AHCTF1: variants seen among roughly 807,000 people sequenced by gnomAD.
The protein encoded by AHCTF1 is protein ELYS.
AHCTF1 carries 24 observed loss-of-function variants against 248.4 expected under a neutral mutation model. The observed-to-expected ratio is 0.10, with a 90% CI of 0.07 to 0.14. AHCTF1 has a LOEUF of 0.14. Among genes scored for constraint, AHCTF1 ranks in the 10% least tolerant of loss-of-function variants. The pLI is 1.00. For synonymous variants in AHCTF1, 786 were observed against 929.8 expected, an observed-to-expected ratio of 0.85 and a Z score of 2.81; for missense variants, 2,206 against 2,636.2, an observed-to-expected ratio of 0.84 and a Z score of 3.57.
Position 246,918,313 on chromosome 1 carries a change from G to A in AHCTF1, c.58C>T (p.Leu20Phe). 3.7e-6 allele frequency: 6 copies of A among 1,613,224 alleles called. No homozygotes were observed. The highest frequency in any genetic ancestry group is 5.1e-6 in the Non-Finnish European group (6 of 1,179,866). ...SGLLPFPEVT[L>F]QALGEDEITL... The stretch of plus-strand genomic sequence containing the variant: ...ATTTCGTCTTCTCCAAGGGCTTGAA[G>A]AGTCACTTCTGGAAATGGCAGGAGA... The change falls in exon 2 of 36, where the codon CTT becomes TTT. Residue 20 changes from leucine (L) to phenylalanine (F), a missense_variant. Physicochemically the swap from Leu to Phe is conservative, Grantham distance 22. Transcript: ENST00000648844.
At chr1:246,872,311 G>T (rs549872357) in intron 24 of AHCTF1, among the ~76,000 whole-genome samples, 3 of 152,102 alleles carry the variant, frequency 2.0e-5, no homozygotes, top group Non-Finnish European at 4.4e-5. Context: ...GGCACGCCAG[G>T]AAAAGACTGA....
chr1:246,857,444 A>C (rs1004157883), intron 30 of AHCTF1, among the ~76,000 whole-genome samples: 1 of 152,210 alleles, frequency 6.6e-6, no homozygotes, highest in Non-Finnish European at 1.5e-5. Context: ...CTTGGTCTTC[A>C]ACAAAAACAG....
intron 27 of AHCTF1, among the ~76,000 whole-genome samples, chr1:246,862,600 AAAG>A (rs1484514824): frequency 6.6e-6 from 1 of 152,236 alleles, no homozygotes; most frequent in African/African-American, 2.4e-5. Context: ...AGATTTCTGC[AAAG>A]AAAATACAAA....
At chr1:246,922,046 T>C (rs951414978) in intron 1 of AHCTF1, among the ~76,000 whole-genome samples, 51 of 152,328 alleles carry the variant, frequency 3.3e-4, no homozygotes, top group African/African-American at 8.9e-4. Context: ...ATTTTAGACT[T>C]TGTTACATAT....
At chr1:246,923,991 C>T (rs1241054577) in intron 1 of AHCTF1, among the ~76,000 whole-genome samples, 1 of 151,808 alleles carries the variant, frequency 6.6e-6, no homozygotes, top group East Asian at 1.9e-4. Flanking sequence ...GGCCCAAAGG[C>T]GTAGAATATA....
chr1:246,851,039 G>A lies in AHCTF1; in HGVS notation c.4967C>T (p.Thr1656Ile), dbSNP rs763992055. ...TSDQKSQKVD[T>I]LPYVPEPIKV... ...AATAGGTTCAGGCACATATGGTAAA[G>A]TGTCTACTTTTTGGGACTTTTGGTC... is the stretch of plus-strand genomic sequence containing the variant. The change falls in exon 33 of 36, where the codon ACT becomes ATT. Residue 1656 changes from threonine to isoleucine, a missense_variant. Thr to Ile is a moderately conservative substitution (Grantham distance 89). Around this residue, in one of 6 missense-constraint regions of AHCTF1, gnomAD observed 955 missense variants for 1,055.6 expected, o/e 0.90. Transcript: ENST00000648844. The A allele has an allele frequency of 3.1e-6, 5 of 1,613,788 alleles. No individual in the cohort carries two copies. Among genetic ancestry groups the A allele is most frequent in the South Asian group, 1.1e-5 (1 of 91,074 alleles).
At chr1:246,927,861 G>A (rs1667052921) in intron 1 of AHCTF1, among the ~76,000 whole-genome samples, 1 of 140,594 alleles carries the variant, frequency 7.1e-6, no homozygotes, top group Non-Finnish European at 1.6e-5. Context: ...AAATTAGCTG[G>A]GCGCGGTAGC....
chr1:246,867,535 A>T, intron 25 of AHCTF1, 126 bp downstream of exon 25: 2 of 1,261,038 alleles, frequency 1.6e-6, no homozygotes, highest in Non-Finnish European at 2.2e-6. Flanking sequence ...TAGCCAACAT[A>T]AAGAGTTTTT....
At chr1:246,880,597 A>G (rs1220586617) in intron 21 of AHCTF1, among the ~76,000 whole-genome samples, 1 of 151,854 alleles carries the variant, frequency 6.6e-6, no homozygotes, top group Non-Finnish European at 1.5e-5. Flanking sequence ...ATTCCACTTT[A>G]AACTGATACC....
At position 246,918,335 on chromosome 1, in the gene AHCTF1, G is replaced by A; in HGVS notation, c.36C>T (p.Leu12=). 1 of 1,612,884 alleles carries A rather than the reference G, an allele frequency of 6.2e-7. No homozygotes were observed. Among genetic ancestry groups the A allele is most frequent in the Non-Finnish European group, 8.5e-7 (1 of 1,179,520 alleles). ...GAAGAGTCACTTCTGGAAATGGCAG[G>A]AGACCACTAGTCACTTGAGCTCTTA... ...RDLRAQVTSG[L]LPFPEVTLQA... The change falls in exon 2 of 36, where the codon CTC becomes CTT. Residue 12 remains leucine (L), a synonymous_variant. Coordinates refer to ENST00000648844, the MANE Select transcript of AHCTF1 (RefSeq NM_001323342.2).
intron 21 of AHCTF1, among the ~76,000 whole-genome samples, chr1:246,878,330 A>G (rs959041386): frequency 1.4e-5 from 2 of 139,782 alleles, no homozygotes; most frequent in African/African-American, 5.3e-5. Flanking sequence ...CTAGGAGGTC[A>G]AGGCTGCAGT....
intron 11 of AHCTF1, among the ~76,000 whole-genome samples, chr1:246,899,061 C>A (rs892701544): frequency 2.0e-5 from 3 of 152,176 alleles, no homozygotes; most frequent in Admixed American, 2.0e-4. Context: ...TGCACCCCAG[C>A]CTGCGCAACA....
intron 24 of AHCTF1, among the ~76,000 whole-genome samples, chr1:246,869,899 T>C (rs1662450039): frequency 6.6e-6 from 1 of 152,146 alleles, no homozygotes; most frequent in Admixed American, 6.6e-5. Flanking sequence ...TTCATAAAGC[T>C]ATAGCTGTCA....
At chr1:246,857,107 G>A (rs900015879) in intron 30 of AHCTF1, among the ~76,000 whole-genome samples, 6 of 152,176 alleles carry the variant, frequency 3.9e-5, no homozygotes, top group South Asian at 2.1e-4. Context: ...CTGACTTTCC[G>A]TAAAGGAGGC....
intron 35 of AHCTF1, 29 bp downstream of exon 35, chr1:246,842,665 T>C (rs1188179669): frequency 6.3e-7 from 1 of 1,592,392 alleles, no homozygotes; most frequent in South Asian, 1.1e-5. Context: ...AATCAATCAA[T>C]CAATCAAGAA....
chr1:246,895,812 TTTAC>T lies in AHCTF1; in HGVS notation c.1714+19_1714+22del. On this transcript the variant is annotated intron_variant, in intron 13 of 35. Transcript: ENST00000648844. Reference sequence around the variant, plus strand: ...TGATAACTTTAAAAATACCAAACATTTTACTTGTTATCAGAATCTTACCTTCTGT... The same window carrying T: ...TGATAACTTTAAAAATACCAAACATTTTGTTATCAGAATCTTACCTTCTGT... The T allele has an allele frequency of 1.3e-6, 2 of 1,560,146 alleles. No homozygotes were observed. Among genetic ancestry groups the T allele is most frequent in the Non-Finnish European group, 1.8e-6 (2 of 1,142,646 alleles).
At position 246,885,695 on chromosome 1, in the gene AHCTF1, A is replaced by C. The variant is rs1399113642; in HGVS notation, c.2473-15T>G. 1.3e-6 allele frequency: 2 copies of C among 1,591,484 alleles called. No individual in the cohort carries two copies. The highest frequency in any genetic ancestry group is 1.7e-6 in the Non-Finnish European group (2 of 1,167,140). ...TCCAAACCACTCTGGAAATAACATG[A>C]AAAATGTTAAATATAAATATAATCC... On this transcript the variant is annotated splice_polypyrimidine_tract_variant and intron_variant, in intron 20 of 35. Transcript: ENST00000648844.
At chr1:246,846,752 TG>T (rs531191952) in intron 33 of AHCTF1, among the ~76,000 whole-genome samples, 2 of 150,748 alleles carry the variant, frequency 1.3e-5, no homozygotes, top group African/African-American at 4.9e-5. Context: ...ATATATTTTT[TG>T]GGGGGATGGG....
intron 1 of AHCTF1, among the ~76,000 whole-genome samples, chr1:246,926,549 G>GA (rs1212279305): frequency 6.6e-6 from 1 of 152,114 alleles, no homozygotes; most frequent in Non-Finnish European, 1.5e-5. Flanking sequence ...AGAGAACATC[G>GA]AAACACTCTA....
Sources: allele counts gnomAD v4.1 joint callset (sites outside exome capture counted in the v4.1 genomes callset), GRCh38; gene constraint gnomAD v4.1.1; regional missense constraint gnomAD v4.1.1; transcripts MANE v1.5; gene names NCBI Gene and HGNC (gene_info 2026-07-23, HGNC 2026-07-21).